Variants in CHFR observed in about 807,000 individuals in gnomAD.
CHFR encodes the protein E3 ubiquitin-protein ligase CHFR.
A neutral mutation model predicts 87.6 loss-of-function variants in CHFR; 57 were observed. The observed-to-expected ratio is 0.65, with a 90% CI of 0.53 to 0.81. The LOEUF is 0.81. Among genes scored for constraint, CHFR ranks in the 30% least tolerant of loss-of-function variants. CHFR has a pLI of 0.00. For missense variants in CHFR, 797 were observed against 865.8 expected (o/e 0.92, Z 1.00); for synonymous variants, 381 against 359.2 (o/e 1.06, Z -0.69).
At chr12:132,883,426 C>CAAAAAAA (rs1281973967) in intron 2 of CHFR, among the ~76,000 whole-genome samples, 1 of 93,066 alleles carries the variant, frequency 1.1e-5, no homozygotes, top group Admixed American at 1.1e-4. Flanking sequence ...AACTCCGTCT[C>CAAAAAAA]AAAAAAAAAA....
chr12:132,877,513 G>T, intron 3 of CHFR, 42 bp downstream of exon 3: 2 of 1,376,790 alleles, frequency 1.5e-6, no homozygotes, highest in Non-Finnish European at 2.0e-6. Flanking sequence ...GGCTTCTTAA[G>T]CTACAAGAAG....
intron 14 of CHFR, 120 bp downstream of exon 14, chr12:132,847,965 C>G: frequency 6.5e-7 from 1 of 1,537,674 alleles, no homozygotes; most frequent in Non-Finnish European, 8.8e-7. Flanking sequence ...TGGCTCCCGG[C>G]TCCCCAACCC....
Position 132,848,080 on chromosome 12 carries a change from G to C in CHFR, c.1647+5C>G, listed in dbSNP as rs192459248. ...CCGGCTCCCCAGCCCGCAGCGAGTCGGTACCTTCAGGATGTCTGACTCGTA... is the reference window on the plus strand; with the variant it reads ...CCGGCTCCCCAGCCCGCAGCGAGTCCGTACCTTCAGGATGTCTGACTCGTA... On this transcript the variant is annotated splice_donor_5th_base_variant and intron_variant, in intron 14 of 17. Transcript: ENST00000450056. 1 of 1,613,736 alleles carries C rather than the reference G, an allele frequency of 6.2e-7. No homozygotes were observed. The highest frequency in any genetic ancestry group is 1.3e-5 in the African/African-American group (1 of 74,800).
chr12:132,836,901 G>A lies in CHFR; in HGVS notation c.*4653C>T. 2.6e-6 allele frequency: 1 copy of A among 386,718 alleles called. No individual in the cohort carries two copies. The highest frequency in any genetic ancestry group is 5.1e-6 in the Non-Finnish European group (1 of 194,906). The allele number at this position is 386,718 out of a possible 1,614,324, so 24.0% of individuals were successfully genotyped here. A position where few individuals can be genotyped will look rare whatever the true frequency, so the allele number is the denominator to read the frequency against. On this transcript the variant is annotated 3_prime_UTR_variant, in exon 18 of 18. Transcript: ENST00000450056. ...TCAGACAAATAAACAACAGTGGGCA[G>A]ACAGGCAAGATCCCTGCTCTATTTT...
In CHFR at chr12:132,843,010, C is replaced by G; in HGVS notation, c.1916+1G>C. On this transcript the variant is annotated splice_donor_variant, in intron 17 of 17. Transcript: ENST00000450056. LOFTEE classifies it high-confidence loss of function. The stretch of plus-strand genomic sequence containing the variant: ...ACGCCTGTGCCCCCAGCTGCACTCA[C>G]ATGGCGTGGTGAGCTTTCACCTGAG... The G allele has an allele frequency of 6.2e-7, 1 of 1,611,068 alleles. No individual in the cohort carries two copies. Among genetic ancestry groups the G allele is most frequent in the African/African-American group, 1.3e-5 (1 of 75,052 alleles).
At chr12:132,878,921 A>G (rs1195216039) in intron 2 of CHFR, among the ~76,000 whole-genome samples, 1 of 151,608 alleles carries the variant, frequency 6.6e-6, no homozygotes, top group Non-Finnish European at 1.5e-5. Context: ...GGTTTCATAA[A>G]TCAACATAAA....
Position 132,833,824 on chromosome 12 carries a change from AGAAAAG to A in CHFR, c.*7724_*7729del, listed in dbSNP as rs2136894270. 1 of 152,590 alleles carries A rather than the reference AGAAAAG, an allele frequency of 6.6e-6. No individual in the cohort carries two copies. Among genetic ancestry groups the A allele is most frequent in the African/African-American group, 2.4e-5 (1 of 41,594 alleles). 9.5% of individuals were successfully genotyped at this position (152,590 alleles called of 1,614,324 possible). On this transcript the variant is annotated 3_prime_UTR_variant, in exon 18 of 18. Transcript: ENST00000450056. ...AAGACACTGTCTCAAAAACAAAAAA[AGAAAAG>A]GAAAAGAAAAAAAAGGAATCATGCA...
intron 6 of CHFR, among the ~76,000 whole-genome samples, chr12:132,863,475 A>G (rs1363718292): frequency 6.6e-6 from 1 of 152,102 alleles, no homozygotes; most frequent in East Asian, 2.0e-4. Context: ...ATTGCACTCC[A>G]GCCTGGGCAG....
At position 132,838,544 on chromosome 12, in the gene CHFR, G is replaced by GC. The variant is rs1950665126; in HGVS notation, c.*3009dup. 6.6e-6 allele frequency: 1 copy of GC among 152,638 alleles called. No individual in the cohort carries two copies. Among genetic ancestry groups the GC allele is most frequent in the South Asian group, 2.1e-4 (1 of 4,840 alleles). 9.5% of individuals were successfully genotyped at this position (152,638 alleles called of 1,614,324 possible). A position where few individuals can be genotyped will look rare whatever the true frequency, so the allele number is the denominator to read the frequency against. On this transcript the variant is annotated 3_prime_UTR_variant, in exon 18 of 18. Coordinates refer to ENST00000450056, the MANE Select transcript of CHFR (RefSeq NM_001161346.2). Reference sequence around the variant, plus strand: ...ACAGAGGGAGCCGCAGATGAGGAGTGCGTGGGGAGACGGTCTGTGGGGCCA... The same window carrying GC: ...ACAGAGGGAGCCGCAGATGAGGAGTGCCGTGGGGAGACGGTCTGTGGGGCCA...
Position 132,874,322 on chromosome 12 carries a change from G to C in CHFR, c.234-1928C>G, listed in dbSNP as rs577250398. On this transcript the variant is annotated intron_variant, in intron 3 of 17. Coordinates refer to ENST00000450056, the MANE Select transcript of CHFR (RefSeq NM_001161346.2). ...GGCCCAGGACCAGCACCCAGCGTGG[G>C]GAAGCCAGGCCCTGGAACAGGCAGG... Among the ~76,000 whole-genome samples, 3 of 152,116 alleles carry C rather than the reference G, an allele frequency of 2.0e-5. No homozygotes were observed. The South Asian group carries it at 6.2e-4, about 32-fold the overall frequency.
rs941651179 is a variant in CHFR, at chr12:132,840,379, A to G, written c.*1175T>C. 1 of 152,636 alleles carries G rather than the reference A, an allele frequency of 6.6e-6. No homozygotes were observed. The highest frequency in any genetic ancestry group is 6.5e-5 in the Admixed American group (1 of 15,288). The allele number at this position is 152,636 out of a possible 1,614,324, so 9.5% of individuals were successfully genotyped here. On this transcript the variant is annotated 3_prime_UTR_variant, in exon 18 of 18. Transcript: ENST00000450056. ...GGAGCAAACGCGGCTCATTTATTAG[A>G]ATATGCAAAAGAGAGGACTTTCCTC... is the stretch of plus-strand genomic sequence containing the variant.
intron 3 of CHFR, among the ~76,000 whole-genome samples, chr12:132,876,236 T>C (rs1593522120): frequency 1.3e-5 from 2 of 152,166 alleles, no homozygotes; most frequent in African/African-American, 4.8e-5. Context: ...TGTGATTGCA[T>C]TTATGCAAAA....
Position 132,839,291 on chromosome 12 carries a change from A to C in CHFR, c.*2263T>G. The C allele has an allele frequency of 1.1e-5, 2 of 177,592 alleles. 1 individual carries two copies. Among genetic ancestry groups the C allele is most frequent in the South Asian group, 1.7e-4 (2 of 11,566 alleles). The allele number at this position is 177,592 out of a possible 1,614,324, so 11.0% of individuals were successfully genotyped here. On this transcript the variant is annotated 3_prime_UTR_variant, in exon 18 of 18. Coordinates refer to ENST00000450056, the MANE Select transcript of CHFR (RefSeq NM_001161346.2). ...CCCCTCTCAGCCTCGCACCTGCACA[A>C]ACTGGCAACCTCCCCTCTCAGCCTC...
rs1203285887 is a variant in CHFR, at chr12:132,887,561, G to C, written c.-27C>G. On this transcript the variant is annotated 5_prime_UTR_variant, in exon 1 of 18. Transcript: ENST00000450056. Reference sequence around the variant, plus strand: ...GCCGCGCTTACCCCCGCCCCGCGCCGAACCCGGAACCGGCTGCGCCGCCGC... The same window carrying C: ...GCCGCGCTTACCCCCGCCCCGCGCCCAACCCGGAACCGGCTGCGCCGCCGC... 6.3e-6 allele frequency: 1 copy of C among 158,276 alleles called. No individual in the cohort carries two copies. The highest frequency in any genetic ancestry group is 1.4e-5 in the Non-Finnish European group (1 of 73,388). The allele number at this position is 158,276 out of a possible 1,614,324, so 9.8% of individuals were successfully genotyped here. A position where few individuals can be genotyped will look rare whatever the true frequency, so the allele number is the denominator to read the frequency against.
rs1213997530 is a variant in CHFR, at chr12:132,834,227, G to A, written c.*7327C>T. ...ATCTGGGATGTTTGAACACCAAGTG[G>A]AGCCATCAGGTCAGCAGTTAGAGCT... On this transcript the variant is annotated 3_prime_UTR_variant, in exon 18 of 18. Transcript: ENST00000450056. The A allele has an allele frequency of 6.6e-6, 1 of 152,310 alleles. No individual in the cohort carries two copies. Among genetic ancestry groups the A allele is most frequent in the East Asian group, 1.9e-4 (1 of 5,200 alleles). The allele number at this position is 152,310 out of a possible 1,614,324, so 9.4% of individuals were successfully genotyped here.
intron 5 of CHFR, 79 bp from the exon 6 acceptor site, chr12:132,869,877 A>C: frequency 1.6e-5 from 24 of 1,475,086 alleles, no homozygotes; most frequent in Non-Finnish European, 1.9e-5. Flanking sequence ...ACCAGGGCTC[A>C]AGCAGACACT....
At chr12:132,846,405 G>A (rs1950826901) in intron 15 of CHFR, among the ~76,000 whole-genome samples, 1 of 151,928 alleles carries the variant, frequency 6.6e-6, no homozygotes, top group East Asian at 2.0e-4. Context: ...TGGGACTACA[G>A]GCGCCCGCCA....
At chr12:132,872,220 TC>T in intron 4 of CHFR, 64 bp downstream of exon 4, 1 of 1,000,344 alleles carries the variant, frequency 1.0e-6, no homozygotes, top group Non-Finnish European at 1.6e-6. Context: ...GGAGGAACGT[TC>T]AGAGAGCGCC....
At chr12:132,844,157 CCCAGCAACA>C (rs143440255) in intron 15 of CHFR, 23 bp from the exon 16 acceptor site, 282,067 of 1,493,488 alleles carry the variant, frequency 0.19, 27,778 homozygotes, top group African/African-American at 0.27. Flanking sequence ...CAGCCAGTTA[CCCAGCAACA>C]CCATCTTCCC....
Sources: allele counts gnomAD v4.1 joint callset (sites outside exome capture counted in the v4.1 genomes callset), GRCh38; gene constraint gnomAD v4.1.1; transcripts MANE v1.5; gene names NCBI Gene and HGNC (gene_info 2026-07-23, HGNC 2026-07-21).